Variants in OR1B1 observed in about 807,000 individuals in gnomAD.
OR1B1 encodes the protein olfactory receptor 1B1.
For synonymous variants in OR1B1, 168 were observed against 156.2 expected, an observed-to-expected ratio of 1.08 and a Z score of -0.57; for missense variants, 414 against 402.1, an observed-to-expected ratio of 1.03 and a Z score of -0.25.
At chr9:122,650,777 A>G in the OR1B1 span, among the ~76,000 whole-genome samples, 1 of 152,120 alleles carries the variant, frequency 6.6e-6, no homozygotes, top group African/African-American at 2.4e-5. Context: ...TAATCCCAGC[A>G]CTTTGGGAAG....
exon 1 of OR1B1, chr9:122,628,643 A>G: frequency 6.2e-7 from 1 of 1,614,088 alleles, no homozygotes; most frequent in Non-Finnish European, 8.5e-7. Context: ...CTTATTGTGG[A>G]GGCTATACAC....
upstream of OR1B1, among the ~76,000 whole-genome samples, chr9:122,630,642 T>G (rs1830194392): frequency 6.6e-6 from 1 of 152,212 alleles, no homozygotes; most frequent in African/African-American, 2.4e-5. Flanking sequence ...TATGGAACTT[T>G]CATTATTAGT....
At chr9:122,655,764 G>A in the OR1B1 span, among the ~76,000 whole-genome samples, 9 of 151,882 alleles carry the variant, frequency 5.9e-5, no homozygotes, top group African/African-American at 2.2e-4. Context: ...AGTGACAGGT[G>A]CAGCAAACCA....
At chr9:122,655,637 A>G in the OR1B1 span, among the ~76,000 whole-genome samples, 628 of 138,186 alleles carry the variant, frequency 4.5e-3, 8 homozygotes, top group African/African-American at 0.016. Context: ...GGAGCTGGCA[A>G]TGAGAACACA....
At chr9:122,649,534 A>G in the OR1B1 span, among the ~76,000 whole-genome samples, 3 of 152,224 alleles carry the variant, frequency 2.0e-5, no homozygotes, top group Non-Finnish European at 2.9e-5. Context: ...AGAATCTACA[A>G]AGAACTTAAA....
chr9:122,651,311 T>C, the OR1B1 span, among the ~76,000 whole-genome samples: 2 of 152,186 alleles, frequency 1.3e-5, no homozygotes, highest in Non-Finnish European at 2.9e-5. Flanking sequence ...TGTCATTTAT[T>C]TGTGTTGGGA....
the OR1B1 span, among the ~76,000 whole-genome samples, chr9:122,636,893 T>G: frequency 6.6e-6 from 1 of 152,364 alleles, no homozygotes; most frequent in African/African-American, 2.4e-5. Flanking sequence ...GTGACAAAAT[T>G]TCTCATAAGG....
chr9:122,639,284 G>A, the OR1B1 span, among the ~76,000 whole-genome samples: 2 of 152,026 alleles, frequency 1.3e-5, no homozygotes, highest in Non-Finnish European at 2.9e-5. Context: ...AGTTTGAGAC[G>A]ATCTTAAATG....
exon 1 of OR1B1, chr9:122,629,026 C>A: frequency 6.2e-7 from 1 of 1,614,032 alleles, no homozygotes; most frequent in Non-Finnish European, 8.5e-7. Flanking sequence ...CATCCCCAGT[C>A]CAGCAAAGAG....
At chr9:122,629,483 C>T (rs751041459) in exon 1 of OR1B1, 2 of 1,578,884 alleles carry the variant, frequency 1.3e-6, no homozygotes, top group South Asian at 1.1e-5. Flanking sequence ...TCTCGAGAAC[C>T]CAAGGAGCAA....
the OR1B1 span, among the ~76,000 whole-genome samples, chr9:122,642,230 G>A: frequency 6.6e-6 from 1 of 152,138 alleles, no homozygotes; most frequent in Non-Finnish European, 1.5e-5. Flanking sequence ...AAAAGATGGT[G>A]TTCAACAGGA....
chr9:122,637,929 T>C, the OR1B1 span, among the ~76,000 whole-genome samples: 2 of 152,324 alleles, frequency 1.3e-5, no homozygotes, highest in African/African-American at 2.4e-5. Flanking sequence ...GAATAGGTAA[T>C]TCAGTTAAAT....
upstream of OR1B1, among the ~76,000 whole-genome samples, chr9:122,633,280 C>G (rs75877195): frequency 0.075 from 11,405 of 152,262 alleles, 554 homozygotes; most frequent in Middle Eastern, 0.14. Flanking sequence ...CCTTATCTCA[C>G]ACCATTCACT....
chr9:122,652,849 C>G, the OR1B1 span, among the ~76,000 whole-genome samples: 2 of 152,194 alleles, frequency 1.3e-5, no homozygotes, highest in Non-Finnish European at 2.9e-5. Context: ...GAATAACTTT[C>G]ATCTCTTGGT....
upstream of OR1B1, among the ~76,000 whole-genome samples, chr9:122,633,944 TG>T (rs964029434): frequency 2.2e-5 from 1 of 45,862 alleles, no homozygotes; most frequent in Non-Finnish European, 4.4e-5. Flanking sequence ...AAGGGTGGGG[TG>T]GGGGGGTGCA....
the OR1B1 span, among the ~76,000 whole-genome samples, chr9:122,655,628 G>A: frequency 8.4e-3 from 1,246 of 147,854 alleles, 17 homozygotes; most frequent in African/African-American, 0.029. Flanking sequence ...TTATAAGTGG[G>A]AGCTGGCAAT....
chr9:122,636,812 G>A, the OR1B1 span, among the ~76,000 whole-genome samples: 1 of 152,188 alleles, frequency 6.6e-6, no homozygotes, highest in Middle Eastern at 3.2e-3. Context: ...CTTACCTGGA[G>A]TTTCACTCCA....
At chr9:122,644,186 G>A in the OR1B1 span, among the ~76,000 whole-genome samples, 1 of 152,192 alleles carries the variant, frequency 6.6e-6, no homozygotes, top group South Asian at 2.1e-4. Flanking sequence ...CTAGGTTCTT[G>A]GATAACATTT....
the OR1B1 span, among the ~76,000 whole-genome samples, chr9:122,657,482 G>A: frequency 1.3e-5 from 2 of 152,194 alleles, no homozygotes; most frequent in Non-Finnish European, 1.5e-5. Flanking sequence ...CTGGCTGGAA[G>A]TAGATCAAGG....
Sources: allele counts gnomAD v4.1 joint callset (sites outside exome capture counted in the v4.1 genomes callset), GRCh38; gene constraint gnomAD v4.1.1; transcripts MANE v1.5; gene names NCBI Gene and HGNC (gene_info 2026-07-23, HGNC 2026-07-21).